LRCH3: variants seen among roughly 807,000 people sequenced by gnomAD.
LRCH3 encodes leucine rich repeats and calponin homology domain containing 3.
Under a neutral mutation model 104.5 loss-of-function variants are expected in LRCH3, and 68 were observed. That is an observed-to-expected ratio of 0.65 (90% CI 0.54 to 0.80). The LOEUF is 0.80. Among genes scored for constraint, LRCH3 ranks in the 30% least tolerant of loss-of-function variants. The probability of loss-of-function intolerance (pLI) is 0.00; values close to 1 mark genes in which losing one functional copy is unlikely to be tolerated. For missense variants in LRCH3, 951 were observed against 953.9 expected (o/e 1.00, Z 0.04); for synonymous variants, 344 against 361.3 (o/e 0.95, Z 0.54).
Position 197,841,809 on chromosome 3 carries a change from ATGTTT to A in LRCH3, c.1328+2451_1328+2455del, listed in dbSNP as rs370265011. Among the ~76,000 whole-genome samples, 1,064 of 148,376 alleles carry A rather than the reference ATGTTT, an allele frequency of 7.2e-3. 8 individuals carry two copies. Among genetic ancestry groups the A allele is most frequent in the Non-Finnish European group, 8.9e-3 (602 of 67,328 alleles). On this transcript the variant is annotated intron_variant, in intron 10 of 20. Coordinates refer to ENST00000425562, the MANE Select transcript of LRCH3 (RefSeq NM_001365715.1). ...TGCTGGAAACTAAAGCTAGGATTAC[ATGTTT>A]TGTTTTGTTTTGTTTTGTTTTGTTT...
At chr3:197,820,000 A>G (rs1734307918) in intron 3 of LRCH3, among the ~76,000 whole-genome samples, 1 of 152,202 alleles carries the variant, frequency 6.6e-6, no homozygotes, top group African/African-American at 2.4e-5. Flanking sequence ...ATGAGCCACC[A>G]TACTCCGCAG....
chr3:197,812,515 T>TG (rs1219760010), intron 1 of LRCH3, among the ~76,000 whole-genome samples: 44 of 132,906 alleles, frequency 3.3e-4, no homozygotes, highest in African/African-American at 1.1e-3. Flanking sequence ...TTTTTTTTTT[T>TG]TTTTTTTTTT....
chr3:197,827,063 A>G (rs111757333), intron 5 of LRCH3, 49 bp downstream of exon 5: 16 of 1,572,952 alleles, frequency 1.0e-5, no homozygotes, highest in Admixed American at 3.7e-5. Context: ...AGCATCAGGT[A>G]AACCACGGTG....
chr3:197,873,337 C>G (rs571187592), intron 19 of LRCH3, among the ~76,000 whole-genome samples: 1 of 152,296 alleles, frequency 6.6e-6, no homozygotes, highest in African/African-American at 2.4e-5. Context: ...ATGTAATATA[C>G]TTTTCCCCCA....
At chr3:197,791,239 A>C (rs1486072949), upstream of LRCH3, 3 of 1,599,158 alleles carry the variant, frequency 1.9e-6, no homozygotes, top group Admixed American at 1.7e-5. Context: ...CCGGCCGCGC[A>C]TGCGCTGAGC....
intron 15 of LRCH3, among the ~76,000 whole-genome samples, chr3:197,860,214 C>T (rs1032953563): frequency 8.5e-5 from 13 of 152,096 alleles, no homozygotes; most frequent in South Asian, 2.1e-4. Flanking sequence ...ATTGCCCAGG[C>T]GGGTCTCAAA....
intron 20 of LRCH3, chr3:197,881,027 G>A: frequency 8.4e-7 from 1 of 1,192,830 alleles, no homozygotes; most frequent in Non-Finnish European, 1.0e-6. Flanking sequence ...TTCTGAACTT[G>A]TACTTCGAAT....
chr3:197,835,813 C>A lies in LRCH3; in HGVS notation c.1242C>A (p.Ile414=). The part of the protein sequence containing the change: ...QFMAYIEQRR[I]SHEGSPVKPV... ...TGGCGTATATTGAACAGCGGCGAAT[C>A]TCTCATGAGGTAGTACACAGATTGA... is the stretch of plus-strand genomic sequence containing the variant. Residue 414 remains isoleucine, a synonymous_variant, in exon 9 of 21, where the codon ATC becomes ATA. Coordinates refer to ENST00000425562, the MANE Select transcript of LRCH3 (RefSeq NM_001365715.1). 6.2e-7 allele frequency: 1 copy of A among 1,614,126 alleles called. No homozygotes were observed. The highest frequency in any genetic ancestry group is 8.5e-7 in the Non-Finnish European group (1 of 1,180,006).
At chr3:197,809,715 CTG>C (rs1386031491) in intron 1 of LRCH3, among the ~76,000 whole-genome samples, 1 of 151,788 alleles carries the variant, frequency 6.6e-6, no homozygotes, top group Admixed American at 6.6e-5. Flanking sequence ...TGAGCTTTTT[CTG>C]TGTGTTTGTT....
chr3:197,841,741 A>G (rs1015823218), intron 10 of LRCH3, among the ~76,000 whole-genome samples: 1 of 152,142 alleles, frequency 6.6e-6, no homozygotes, highest in Non-Finnish European at 1.5e-5. Context: ...CATTTTGGTT[A>G]TTTCCATTGG....
intron 1 of LRCH3, among the ~76,000 whole-genome samples, chr3:197,812,504 G>GTTTTTGTTTTTTT (rs1733253022): frequency 2.0e-5 from 1 of 48,956 alleles, no homozygotes; most frequent in African/African-American, 7.9e-5. Flanking sequence ...TCTGCTTTCA[G>GTTTTTGTTTTTTT]TTTTTTTTTT....
In LRCH3 at chr3:197,810,057, GT is replaced by G. The variant is rs769555750; in HGVS notation, c.263-4844del. 1.3e-5 allele frequency among the ~76,000 whole-genome samples: 2 copies of G among 152,102 alleles called. No individual in the cohort carries two copies. The highest frequency in any genetic ancestry group is 4.1e-4 in the South Asian group (2 of 4,826). On this transcript the variant is annotated intron_variant, in intron 1 of 20. Coordinates refer to ENST00000425562, the MANE Select transcript of LRCH3 (RefSeq NM_001365715.1). The surrounding 1 kb of genome is among the most constrained non-coding windows in gnomAD (Gnocchi z 4.0). Reference sequence around the variant, plus strand: ...TACTCAAAGGTTGCATGGGAAGCCTGTTTTTTTCCAGTTTTTTTCTGAGATA... The same window carrying G: ...TACTCAAAGGTTGCATGGGAAGCCTGTTTTTTCCAGTTTTTTTCTGAGATA...
At chr3:197,797,327 C>CAAAAAAAAAAA (rs3085302) in intron 1 of LRCH3, among the ~76,000 whole-genome samples, 1 of 71,536 alleles carries the variant, frequency 1.4e-5, no homozygotes, top group African/African-American at 6.0e-5. Flanking sequence ...AACTCCATCT[C>CAAAAAAAAAAA]AAAAAAAAAA....
chr3:197,881,438 T>C, intron 20 of LRCH3: 1 of 985,562 alleles, frequency 1.0e-6, no homozygotes, highest in Non-Finnish European at 1.2e-6. Flanking sequence ...GGAGCTGGCC[T>C]CTCAGGGTGG....
rs1420635024 is a variant in LRCH3, at chr3:197,885,610, C to T, written c.*1944C>T. 1 of 152,160 alleles carries T rather than the reference C, an allele frequency of 6.6e-6. No individual in the cohort carries two copies. Among genetic ancestry groups the T allele is most frequent in the Admixed American group, 6.6e-5 (1 of 15,250 alleles). 9.4% of individuals were successfully genotyped at this position (152,160 alleles called of 1,614,324 possible). A position where few individuals can be genotyped will look rare whatever the true frequency, so the allele number is the denominator to read the frequency against. Reference sequence around the variant, plus strand: ...GGGCAACAAAAGCGAAATTCCATCTCAAAAAAAGAAAACGCGCCCCATCTC... The same window carrying T: ...GGGCAACAAAAGCGAAATTCCATCTTAAAAAAAGAAAACGCGCCCCATCTC... On this transcript the variant is annotated 3_prime_UTR_variant, in exon 21 of 21. Transcript: ENST00000425562.
chr3:197,834,911 C>G (rs1420180735), intron 8 of LRCH3, among the ~76,000 whole-genome samples: 3 of 152,198 alleles, frequency 2.0e-5, no homozygotes, highest in Admixed American at 1.3e-4. Context: ...TGGGTGGCCA[C>G]AGTGGGCGGA....
chr3:197,880,487 C>A, intron 20 of LRCH3: 1 of 1,515,596 alleles, frequency 6.6e-7, no homozygotes, highest in Non-Finnish European at 8.9e-7. Context: ...TTTCTGTTTT[C>A]CTTTCCTGCT....
chr3:197,869,103 TAAA>T (rs148286438), intron 17 of LRCH3, among the ~76,000 whole-genome samples: 1 of 152,218 alleles, frequency 6.6e-6, no homozygotes, highest in Non-Finnish European at 1.5e-5. Context: ...AAAACCCTTT[TAAA>T]AAGTCAATCC....
chr3:197,866,902 G>A (rs1741549590), intron 17 of LRCH3, among the ~76,000 whole-genome samples: 1 of 152,196 alleles, frequency 6.6e-6, no homozygotes, highest in Non-Finnish European at 1.5e-5. Context: ...TGCTTTGGGA[G>A]GCCAAGGCAG....
Sources: allele counts gnomAD v4.1 joint callset (sites outside exome capture counted in the v4.1 genomes callset), GRCh38; gene constraint gnomAD v4.1.1; non-coding constraint Gnocchi (gnomAD v3.1); transcripts MANE v1.5; gene names NCBI Gene and HGNC (gene_info 2026-07-23, HGNC 2026-07-21).